MYBPC1: variants seen among roughly 807,000 people sequenced by gnomAD.
The protein encoded by MYBPC1 is myosin-binding protein C, slow-type.
In MYBPC1, 52 loss-of-function variants were observed where a neutral mutation model predicts 147.1. The ratio of observed to expected loss-of-function variants is 0.35; its 90% confidence interval spans 0.28 to 0.45. MYBPC1 has a LOEUF of 0.45. MYBPC1 is among the 20% of genes least tolerant of loss of function. The pLI, the probability that MYBPC1 is intolerant of heterozygous loss-of-function variation, is 1.00. For synonymous variants in MYBPC1, 477 were observed against 475.9 expected (o/e 1.00, Z -0.03); for missense variants, 1,228 against 1,440.3 (o/e 0.85, Z 2.39).
At position 101,673,520 on chromosome 12, in the gene MYBPC1, A is replaced by T. The variant is rs766511724; in HGVS notation, c.2707A>T (p.Ile903Leu). Residue 903 changes from isoleucine to leucine, a missense_variant, in exon 25 of 32, where the codon ATA (isoleucine) becomes TTA (leucine). Ile to Leu is a conservative substitution (Grantham distance 5, BLOSUM62 2). Coordinates refer to ENST00000361466, the MANE Select transcript of MYBPC1 (RefSeq NM_002465.4). ...TCGCAACTCTGAGACTGATACAATC[A>T]TATTTATTAGAAAAGCAGAGAGGAG... ...NIRNSETDTI[I>L]FIRKAERSHS... The T allele has an allele frequency of 2.5e-6, 4 of 1,614,034 alleles. No individual in the cohort carries two copies. The highest frequency in any genetic ancestry group is 3.4e-6 in the Non-Finnish European group (4 of 1,179,990).
At position 101,659,560 on chromosome 12, in the gene MYBPC1, A is replaced by G. The variant is rs989221114; in HGVS notation, c.1768-112A>G. 55 of 1,097,000 alleles carry G rather than the reference A, an allele frequency of 5.0e-5. No individual in the cohort carries two copies. The African/African-American group carries it at 5.8e-4, about 12-fold the overall frequency. 68.0% of individuals were successfully genotyped at this position (1,097,000 alleles called of 1,614,324 possible). The stretch of plus-strand genomic sequence containing the variant: ...TATAGTCCACCAAATACACTATATA[A>G]TCTATACACTATACACTCTATAGTC... On this transcript the variant is annotated intron_variant, in intron 18 of 31. Coordinates refer to ENST00000361466, the MANE Select transcript of MYBPC1 (RefSeq NM_002465.4).
At chr12:101,667,599 C>T in intron 22 of MYBPC1, 133 bp from the exon 23 acceptor site, 1 of 1,088,948 alleles carries the variant, frequency 9.2e-7, no homozygotes, top group African/African-American at 1.6e-5. Flanking sequence ...GAGTCCAGAC[C>T]AAAGTCATAA....
At position 101,642,409 on chromosome 12, in the gene MYBPC1, C is replaced by T. The variant is rs1892238024; in HGVS notation, c.666-10C>T. ...AGCTACTAAACTAGACCATGGTTCT[C>T]CCCGGTTAGGGAGGTGAAGCAGCAG... is the stretch of plus-strand genomic sequence containing the variant. On this transcript the variant is annotated splice_polypyrimidine_tract_variant and intron_variant, in intron 10 of 31. Transcript: ENST00000361466. 1 of 1,613,832 alleles carries T rather than the reference C, an allele frequency of 6.2e-7. No individual in the cohort carries two copies. Among genetic ancestry groups the T allele is most frequent in the African/African-American group, 1.3e-5 (1 of 74,932 alleles).
chr12:101,692,208 G>A, the MYBPC1 span, among the ~76,000 whole-genome samples: 1 of 152,178 alleles, frequency 6.6e-6, no homozygotes, highest in African/African-American at 2.4e-5. Context: ...CAAATGCCAA[G>A]TGAGGGAAGT....
At chr12:101,676,491 A>G (rs1900015514) in intron 26 of MYBPC1, among the ~76,000 whole-genome samples, 1 of 152,182 alleles carries the variant, frequency 6.6e-6, no homozygotes, top group South Asian at 2.1e-4. Flanking sequence ...GCAGTGGCTC[A>G]TACCTGTAGT....
chr12:101,685,354 T>C (rs1400415313), intron 31 of MYBPC1, among the ~76,000 whole-genome samples: 1 of 152,194 alleles, frequency 6.6e-6, no homozygotes, highest in Non-Finnish European at 1.5e-5. Context: ...GGGGAAAAAC[T>C]GCTGTGGTTC....
intron 9 of MYBPC1, 97 bp from the exon 10 acceptor site, chr12:101,636,575 C>T: frequency 1.0e-6 from 1 of 999,340 alleles, no homozygotes; most frequent in East Asian, 2.5e-5. Context: ...TTGTGTGGCA[C>T]AAAATTGCAT....
chr12:101,683,031 G>A (rs1951116791), intron 30 of MYBPC1, among the ~76,000 whole-genome samples: 1 of 152,152 alleles, frequency 6.6e-6, no homozygotes, highest in African/African-American at 2.4e-5. Flanking sequence ...ATAGTTGACA[G>A]CATAGTTTCC....
At chr12:101,688,147 C>T (rs75692769), downstream of MYBPC1, among the ~76,000 whole-genome samples, 6,402 of 152,202 alleles carry the variant, frequency 0.042, 229 homozygotes, top group South Asian at 0.062. Flanking sequence ...AGGCTGGGCA[C>T]GGTGGCTCAT....
At chr12:101,648,245 C>T (rs1893649878) in intron 14 of MYBPC1, 95 bp downstream of exon 14, 2 of 851,416 alleles carry the variant, frequency 2.3e-6, no homozygotes, top group East Asian at 2.8e-5. Context: ...GCTTTTAAAC[C>T]TTTGAAAACA....
downstream of MYBPC1, among the ~76,000 whole-genome samples, chr12:101,686,553 C>T (rs547463140): frequency 1.3e-3 from 197 of 152,338 alleles, no homozygotes; most frequent in African/African-American, 4.7e-3. Flanking sequence ...TCAGCAACTT[C>T]CTTTACTCTT....
intron 6 of MYBPC1, 69 bp from the exon 7 acceptor site, chr12:101,631,502 C>G (rs1218453541): frequency 6.5e-7 from 1 of 1,530,076 alleles, no homozygotes. Flanking sequence ...CATGTCAACT[C>G]CTTCCAGTTG....
At position 101,677,224 on chromosome 12, in the gene MYBPC1, T is replaced by G; in HGVS notation, c.2950-11T>G. The stretch of plus-strand genomic sequence containing the variant: ...TGATTTTCCTCCAGTTATTATTTTT[T>G]TTTCTTTTAGGAATGGTTTACTGTC... On this transcript the variant is annotated splice_polypyrimidine_tract_variant and intron_variant, in intron 26 of 31. Coordinates refer to ENST00000361466, the MANE Select transcript of MYBPC1 (RefSeq NM_002465.4). 3.7e-6 allele frequency: 6 copies of G among 1,611,638 alleles called. No homozygotes were observed. Among genetic ancestry groups the G allele is most frequent in the Non-Finnish European group, 5.1e-6 (6 of 1,178,056 alleles).
Position 101,667,809 on chromosome 12 carries a change from A to G in MYBPC1, c.2434A>G (p.Lys812Glu), listed in dbSNP as rs1231320874. The change falls in exon 23 of 32, where the codon AAG becomes GAG. Residue 812 changes from lysine to glutamate, a missense_variant. Lys to Glu is a moderately conservative substitution (Grantham distance 56). Coordinates refer to ENST00000361466, the MANE Select transcript of MYBPC1 (RefSeq NM_002465.4). ...CATCACAGGTCTGCCAACAGATGCA[A>G]AGATCTTTGTGCGTGTGAAGGCTGT... ...FTITGLPTDA[K>E]IFVRVKAVNA... 6.2e-7 allele frequency: 1 copy of G among 1,614,186 alleles called. No homozygotes were observed. The highest frequency in any genetic ancestry group is 1.3e-5 in the African/African-American group (1 of 75,054).
At chr12:101,676,624 G>A (rs552070660) in intron 26 of MYBPC1, among the ~76,000 whole-genome samples, 2 of 152,134 alleles carry the variant, frequency 1.3e-5, no homozygotes, top group Admixed American at 6.6e-5. Context: ...GGTAGCACGT[G>A]CCTGTAGTCC....
chr12:101,660,831 A>G (rs1314353990), intron 19 of MYBPC1, among the ~76,000 whole-genome samples: 1 of 152,146 alleles, frequency 6.6e-6, no homozygotes, highest in Non-Finnish European at 1.5e-5. Flanking sequence ...GAACCAAGCC[A>G]GAGGGGTTTC....
At chr12:101,603,271 G>A (rs1015706256) in intron 1 of MYBPC1, among the ~76,000 whole-genome samples, 7 of 151,944 alleles carry the variant, frequency 4.6e-5, no homozygotes, top group African/African-American at 1.5e-4. Context: ...TTGAACCTGG[G>A]AGAACGGAGG....
chr12:101,655,364 T>C (rs1895363430), intron 18 of MYBPC1, among the ~76,000 whole-genome samples: 1 of 152,110 alleles, frequency 6.6e-6, no homozygotes, highest in Non-Finnish European at 1.5e-5. Context: ...GTAGATGGAA[T>C]TAATAGCTAA....
At chr12:101,648,231 A>G in intron 14 of MYBPC1, 81 bp downstream of exon 14, 1 of 975,046 alleles carries the variant, frequency 1.0e-6, no homozygotes, top group Non-Finnish European at 1.6e-6. Flanking sequence ...AGGAAGTACA[A>G]ATAGCTTTTA....
Sources: gnomAD v4.1 joint callset for allele counts (sites outside exome capture counted in the v4.1 genomes callset) on GRCh38, gnomAD v4.1.1 for gene constraint, MANE v1.5 for transcripts, NCBI Gene and HGNC (gene_info 2026-07-23, HGNC 2026-07-21) for gene names.